Variants in RTN1 observed in about 807,000 individuals in gnomAD.
RTN1 encodes the protein reticulon-1.
In RTN1, 25 loss-of-function variants were observed where a neutral mutation model predicts 65.5. That is an observed-to-expected ratio of 0.38 (90% CI 0.28 to 0.53). The LOEUF (loss-of-function observed/expected upper bound fraction) is 0.53, where lower values mean the gene tolerates loss of function less well. Ranked by LOEUF, RTN1 falls within the 20% of genes least tolerant of loss-of-function variation. The pLI is 0.79. For missense variants in RTN1, 983 were observed against 1,025.4 expected (o/e 0.96, Z 0.57); for synonymous variants, 471 against 447.6 (o/e 1.05, Z -0.66).
rs538783653 is a variant in RTN1, at chr14:59,693,590, T to C, written c.1765+33329A>G. On this transcript the variant is annotated intron_variant, in intron 3 of 8. Transcript: ENST00000267484. Reference sequence around the variant, plus strand: ...ATCCTCATAGCTTAGCTCCCACTTATAAGTGAGAATATACAATGTTTGGTT... The same window carrying C: ...ATCCTCATAGCTTAGCTCCCACTTACAAGTGAGAATATACAATGTTTGGTT... Among the ~76,000 whole-genome samples, 156 of 152,326 alleles carry C rather than the reference T, an allele frequency of 1.0e-3. 1 individual carries two copies. Among genetic ancestry groups the C allele is most frequent in the African/African-American group, 3.8e-3 (156 of 41,574 alleles).
rs142322142 is a variant in RTN1 at position 59,854,025 on chromosome 14, C to T, written c.241+16365G>A. Reference sequence around the variant, plus strand: ...GACTATAGGCATGAGCCACCACCTCCGGCTAATTTTTGTATTTTTAGTAGA... The same window carrying T: ...GACTATAGGCATGAGCCACCACCTCTGGCTAATTTTTGTATTTTTAGTAGA... On this transcript the variant is annotated intron_variant, in intron 1 of 8. Coordinates refer to ENST00000267484, the MANE Select transcript of RTN1 (RefSeq NM_021136.3). Among the ~76,000 whole-genome samples the T allele has an allele frequency of 1.1e-3, 162 of 151,970 alleles. 1 individual carries two copies. The highest frequency in any genetic ancestry group is 3.5e-3 in the African/African-American group (146 of 41,462).
At chr14:59,638,027 T>C (rs1015177818) in intron 3 of RTN1, among the ~76,000 whole-genome samples, 2 of 152,056 alleles carry the variant, frequency 1.3e-5, no homozygotes, top group Non-Finnish European at 2.9e-5. Context: ...AATTTTGGTA[T>C]TTTTAGTAGA....
chr14:59,610,023 G>A lies in RTN1; in HGVS notation c.1766-2531C>T, dbSNP rs73307650. 3.5e-3 allele frequency: 2,455 copies of A among 711,566 alleles called. 49 individuals carry two copies. The African/African-American group carries it at 0.038, about 11-fold the overall frequency. 44.1% of individuals were successfully genotyped at this position (711,566 alleles called of 1,614,324 possible). A position where few individuals can be genotyped will look rare whatever the true frequency, so the allele number is the denominator to read the frequency against. On this transcript the variant is annotated intron_variant, in intron 3 of 8. Transcript: ENST00000267484. Reference sequence around the variant, plus strand: ...GAAGATGCTTACCCACTTGTGAGACGTGAAGGGGCTCAGAAGAGCCTGAAA... The same window carrying A: ...GAAGATGCTTACCCACTTGTGAGACATGAAGGGGCTCAGAAGAGCCTGAAA...
intron 3 of RTN1, among the ~76,000 whole-genome samples, chr14:59,699,815 A>T: frequency 6.6e-6 from 1 of 152,168 alleles, no homozygotes; most frequent in Non-Finnish European, 1.5e-5. Context: ...CAAGCCATCC[A>T]ATCTTATTTA....
chr14:59,678,790 C>T (rs1382960189), intron 3 of RTN1, among the ~76,000 whole-genome samples: 1 of 152,196 alleles, frequency 6.6e-6, no homozygotes, highest in South Asian at 2.1e-4. Flanking sequence ...AGCGTGACCA[C>T]AGACCACCTG....
chr14:59,838,960 C>T (rs778681870), intron 1 of RTN1, among the ~76,000 whole-genome samples: 17 of 152,080 alleles, frequency 1.1e-4, no homozygotes, highest in Non-Finnish European at 2.1e-4. Flanking sequence ...TTATTTATTT[C>T]GCCCTTTCTG....
intron 1 of RTN1, among the ~76,000 whole-genome samples, chr14:59,821,748 C>G (rs1886948227): frequency 6.6e-6 from 1 of 152,154 alleles, no homozygotes; most frequent in South Asian, 2.1e-4. Context: ...TATTGAAAGC[C>G]TTTCTGCATC....
intron 1 of RTN1, among the ~76,000 whole-genome samples, chr14:59,827,159 A>T (rs1307455040): frequency 6.6e-6 from 1 of 152,020 alleles, no homozygotes; most frequent in Non-Finnish European, 1.5e-5. Context: ...GCTCACTGCG[A>T]GCTCTGTCTC....
At chr14:59,726,583 T>C (rs781073548) in intron 3 of RTN1, among the ~76,000 whole-genome samples, 15 of 152,116 alleles carry the variant, frequency 9.9e-5, no homozygotes, top group Admixed American at 3.3e-4. Context: ...AAAGCATCGC[T>C]TTCCTGGGGG....
At chr14:59,860,065 G>A (rs950872572) in intron 1 of RTN1, among the ~76,000 whole-genome samples, 8 of 152,200 alleles carry the variant, frequency 5.3e-5, no homozygotes, top group African/African-American at 1.9e-4. Context: ...ATTTGCATAA[G>A]TAACAAGGAG....
intron 3 of RTN1, among the ~76,000 whole-genome samples, chr14:59,641,196 G>A (rs1882773274): frequency 6.6e-6 from 1 of 152,130 alleles, no homozygotes. Context: ...TTGAACTCCT[G>A]GGTTTGGGAC....
intron 3 of RTN1, among the ~76,000 whole-genome samples, chr14:59,720,678 C>T (rs368070034): frequency 6.0e-5 from 9 of 150,570 alleles, no homozygotes; most frequent in Non-Finnish European, 8.9e-5. Flanking sequence ...GCTGAGATCG[C>T]GCCACTGCAC....
intron 4 of RTN1, 68 bp from the exon 5 acceptor site, chr14:59,605,574 G>A (rs941168094): frequency 1.3e-6 from 2 of 1,546,436 alleles, no homozygotes; most frequent in African/African-American, 1.4e-5. Flanking sequence ...CCGAACCCCA[G>A]TAACAGCTAA....
chr14:59,748,072 C>G (rs1885265092), intron 1 of RTN1, among the ~76,000 whole-genome samples: 1 of 152,028 alleles, frequency 6.6e-6, no homozygotes, highest in Non-Finnish European at 1.5e-5. Context: ...GATGAGGAAA[C>G]TGAGAAACAA....
chr14:59,676,153 A>T (rs1566681800), intron 3 of RTN1, among the ~76,000 whole-genome samples: 1 of 152,188 alleles, frequency 6.6e-6, no homozygotes, highest in Non-Finnish European at 1.5e-5. Flanking sequence ...AAATAAATAA[A>T]CCTTATGCAT....
intron 3 of RTN1, among the ~76,000 whole-genome samples, chr14:59,624,779 C>A (rs1176612583): frequency 6.6e-6 from 1 of 152,086 alleles, no homozygotes; most frequent in Non-Finnish European, 1.5e-5. Flanking sequence ...TTCATAAGAA[C>A]TAGAAAGGTG....
At chr14:59,613,611 A>T (rs1342997543) in intron 3 of RTN1, among the ~76,000 whole-genome samples, 1 of 152,000 alleles carries the variant, frequency 6.6e-6, no homozygotes, top group Non-Finnish European at 1.5e-5. Context: ...AGATATATTT[A>T]AAAGGCCTTT....
chr14:59,684,520 G>C (rs868286170), intron 3 of RTN1, among the ~76,000 whole-genome samples: 2 of 151,852 alleles, frequency 1.3e-5, no homozygotes, highest in African/African-American at 4.8e-5. Flanking sequence ...CTGTGATCTC[G>C]TATCACTAAA....
chr14:59,860,113 C>T (rs186945538), intron 1 of RTN1, among the ~76,000 whole-genome samples: 2 of 152,316 alleles, frequency 1.3e-5, no homozygotes, highest in East Asian at 3.9e-4. Context: ...GAAAATGTCT[C>T]CAGGGCATGT....
Sources: allele counts gnomAD v4.1 joint callset (sites outside exome capture counted in the v4.1 genomes callset), GRCh38; gene constraint gnomAD v4.1.1; transcripts MANE v1.5; gene names NCBI Gene and HGNC (gene_info 2026-07-23, HGNC 2026-07-21).